The following PRRX1 variants were observed in gnomAD, a reference collection of about 807,000 sequenced individuals.
The protein encoded by PRRX1 is paired mesoderm homeobox protein 1.
PRRX1 carries 8 observed loss-of-function variants against 24.0 expected under a neutral mutation model. The ratio of observed to expected loss-of-function variants is 0.33; its 90% CI spans 0.20 to 0.60. The LOEUF (loss-of-function observed/expected upper bound fraction) is 0.60, where lower values mean the gene tolerates loss of function less well. Ranked by LOEUF, PRRX1 falls within the 20% of genes least tolerant of loss-of-function variation. The pLI is 0.82. For synonymous variants in PRRX1, 160 were observed against 131.7 expected (o/e 1.22, Z -1.47); for missense variants, 281 against 322.4 (o/e 0.87, Z 0.98).
In PRRX1 at chr1:170,736,249, CT is replaced by C; in HGVS notation, c.*64del. 1 of 1,592,294 alleles carries C rather than the reference CT, an allele frequency of 6.3e-7. No individual in the cohort carries two copies. The highest frequency in any genetic ancestry group is 1.3e-5 in the African/African-American group (1 of 74,374). ...AAAACCATAAGACACCTATCCTGCT[CT>C]GTTATTTCTTCATCTGCTGGGGGGA... On this transcript the variant is annotated 3_prime_UTR_variant, in exon 4 of 4. Transcript: ENST00000239461.
chr1:170,734,222 GATT>G (rs1489503234), intron 3 of PRRX1, among the ~76,000 whole-genome samples: 3 of 84,140 alleles, frequency 3.6e-5, no homozygotes, highest in South Asian at 1.4e-3. Context: ...ATATTGGTAA[GATT>G]TTTTTTTTTT....
chr1:170,704,109 T>A lies in PRRX1; in HGVS notation c.242-15617T>A, dbSNP rs1029951287. Among the ~76,000 whole-genome samples, 11 of 152,344 alleles carry A rather than the reference T, an allele frequency of 7.2e-5. No individual in the cohort carries two copies. The South Asian group carries it at 2.1e-3, about 29-fold the overall frequency. On this transcript the variant is annotated intron_variant, in intron 1 of 3. Coordinates refer to ENST00000239461, the MANE Select transcript of PRRX1 (RefSeq NM_022716.4). ...AAGTGTTAAACTAGATAAATATAACTTTGCTTAGTTTTGTTAAAATTTATT... is the reference window on the plus strand; with the variant it reads ...AAGTGTTAAACTAGATAAATATAACATTGCTTAGTTTTGTTAAAATTTATT...
At chr1:170,669,992 G>T (rs747974656) in intron 1 of PRRX1, among the ~76,000 whole-genome samples, 1 of 152,130 alleles carries the variant, frequency 6.6e-6, no homozygotes, top group Non-Finnish European at 1.5e-5. Context: ...TGTAAAACGT[G>T]GGGGCTCGCA....
In PRRX1 at chr1:170,719,752, A is replaced by C; in HGVS notation, c.268A>C (p.Lys90Gln). The C allele has an allele frequency of 6.2e-7, 1 of 1,614,226 alleles. No individual in the cohort carries two copies. ...DNDQLNSEEK[K>Q]KRKQRRNRTT... ...TGACCAGCTGAACTCAGAAGAAAAA[A>C]AGAAGAGAAAGCAGCGAAGGAATAG... is the stretch of plus-strand genomic sequence containing the variant. Residue 90 changes from lysine (K) to glutamine (Q), a missense_variant, in exon 2 of 4, where the codon AAG becomes CAG. Transcript: ENST00000239461.
intron 1 of PRRX1, 145 bp downstream of exon 1, chr1:170,664,604 G>A: frequency 7.6e-7 from 1 of 1,311,712 alleles, no homozygotes; most frequent in South Asian, 1.5e-5. Context: ...GGAAGGGCCA[G>A]TCACAGGGGA....
Position 170,719,875 on chromosome 1 carries a change from G to A in PRRX1, c.391G>A (p.Val131Met). The A allele has an allele frequency of 3.1e-6, 5 of 1,614,132 alleles. No individual in the cohort carries two copies. The highest frequency in any genetic ancestry group is 4.2e-6 in the Non-Finnish European group (5 of 1,180,006). ...AFVREDLARR[V>M]NLTEARVQVW... ...TGTGCGAGAAGACCTTGCCCGCCGGGTGAACCTCACCGAGGCGAGAGTGCA... is the reference window on the plus strand; with the variant it reads ...TGTGCGAGAAGACCTTGCCCGCCGGATGAACCTCACCGAGGCGAGAGTGCA... The change falls in exon 2 of 4, where the codon GTG (valine) becomes ATG (methionine). Residue 131 changes from valine to methionine, a missense_variant. Physicochemically the swap from Val to Met is conservative, Grantham distance 21. Transcript: ENST00000239461.
intron 1 of PRRX1, among the ~76,000 whole-genome samples, chr1:170,699,769 T>C (rs758671009): frequency 1.1e-4 from 16 of 151,676 alleles, no homozygotes; most frequent in Non-Finnish European, 2.1e-4. Flanking sequence ...GGAGTCTCGC[T>C]CTGTCACCTA....
chr1:170,726,189 T>C (rs1467298592), intron 2 of PRRX1, 31 bp from the exon 3 acceptor site: 1 of 1,597,404 alleles, frequency 6.3e-7, no homozygotes, highest in Non-Finnish European at 8.6e-7. Context: ...TCTCTTTCCT[T>C]ATGCCTTCTT....
At chr1:170,675,952 GT>G (rs754178842) in intron 1 of PRRX1, among the ~76,000 whole-genome samples, 5 of 152,206 alleles carry the variant, frequency 3.3e-5, no homozygotes, top group Middle Eastern at 6.8e-3. Context: ...CCTAATAAAA[GT>G]TTCTGAAGTT....
chr1:170,710,641 TGTGACAC>T (rs1654715733), intron 1 of PRRX1, among the ~76,000 whole-genome samples: 1 of 152,204 alleles, frequency 6.6e-6, no homozygotes, highest in African/African-American at 2.4e-5. Context: ...TAACCCCCAG[TGTGACAC>T]TATTTGGAAG....
At chr1:170,679,389 GTTTTATTTTA>G (rs372171104) in intron 1 of PRRX1, among the ~76,000 whole-genome samples, 24 of 152,128 alleles carry the variant, frequency 1.6e-4, no homozygotes, top group East Asian at 7.8e-4. Flanking sequence ...AAGACTAACT[GTTTTATTTTA>G]TTTTATTTTA....
intron 1 of PRRX1, among the ~76,000 whole-genome samples, chr1:170,670,195 T>C (rs1653101330): frequency 6.6e-6 from 1 of 152,220 alleles, no homozygotes; most frequent in Non-Finnish European, 1.5e-5. Flanking sequence ...TATTTTACTT[T>C]GATGCTTTTT....
At chr1:170,666,709 G>A (rs1411874185) in intron 1 of PRRX1, among the ~76,000 whole-genome samples, 2 of 152,130 alleles carry the variant, frequency 1.3e-5, no homozygotes, top group African/African-American at 2.4e-5. Flanking sequence ...CCAGCCTAGG[G>A]AACAAGCCAG....
At chr1:170,664,107 C>CTCTCTCTCT (rs1553250934), upstream of PRRX1, 107 of 1,091,180 alleles carry the variant, frequency 9.8e-5, no homozygotes, top group South Asian at 1.6e-4. Context: ...CTCTCTCTCT[C>CTCTCTCTCT]CACTACCCCC....
In PRRX1 at chr1:170,684,393, C is replaced by T. The variant is rs535645518; in HGVS notation, c.241+19934C>T. Among the ~76,000 whole-genome samples, 284 of 152,256 alleles carry T rather than the reference C, an allele frequency of 1.9e-3. 1 individual carries two copies. The highest frequency in any genetic ancestry group is 6.4e-3 in the African/African-American group (264 of 41,534). On this transcript the variant is annotated intron_variant, in intron 1 of 3. Transcript: ENST00000239461. ...TTCCAGGCTATGAGAATTTTAAACC[C>T]ATAAGAAACAGCTAGTTGGAATACT...
rs1207749140 is a variant in PRRX1, at chr1:170,664,208, T to TG, written c.-6dup. 1 of 1,605,448 alleles carries TG rather than the reference T, an allele frequency of 6.2e-7. No homozygotes were observed. The highest frequency in any genetic ancestry group is 1.1e-5 in the South Asian group (1 of 89,274). ...GGAAGAGGGGGGTGGGTGGGATCGGTGGGGGAGACCATGACCTCCAGCTAC... is the reference window on the plus strand; with the variant it reads ...GGAAGAGGGGGGTGGGTGGGATCGGTGGGGGGAGACCATGACCTCCAGCTAC... On this transcript the variant is annotated 5_prime_UTR_variant, in exon 1 of 4. Transcript: ENST00000239461.
chr1:170,679,056 C>T (rs1653416580), intron 1 of PRRX1, among the ~76,000 whole-genome samples: 1 of 152,186 alleles, frequency 6.6e-6, no homozygotes, highest in South Asian at 2.1e-4. Flanking sequence ...ATAATATTTT[C>T]CTCGTGACAT....
chr1:170,720,184 G>A (rs762916387), intron 2 of PRRX1, among the ~76,000 whole-genome samples: 21 of 152,212 alleles, frequency 1.4e-4, no homozygotes, highest in Admixed American at 2.6e-4. Context: ...AGGCTGAGGT[G>A]GGAGAATTGC....
intron 1 of PRRX1, among the ~76,000 whole-genome samples, chr1:170,673,095 A>G (rs924731227): frequency 2.0e-5 from 3 of 152,162 alleles, no homozygotes; most frequent in African/African-American, 7.2e-5. Flanking sequence ...TATAATAGCT[A>G]AGTTAGAGAC....
Sources: gnomAD v4.1 joint callset for allele counts (sites outside exome capture counted in the v4.1 genomes callset) on GRCh38, gnomAD v4.1.1 for gene constraint, MANE v1.5 for transcripts, NCBI Gene and HGNC (gene_info 2026-07-23, HGNC 2026-07-21) for gene names.